SLITRK2: variants seen among roughly 807,000 people sequenced by gnomAD.
The protein encoded by SLITRK2 is SLIT and NTRK-like protein 2.
In SLITRK2, 13 loss-of-function variants were observed where a neutral mutation model predicts 35.4. That is an observed-to-expected ratio of 0.37 (90% CI 0.24 to 0.58). The LOEUF (loss-of-function observed/expected upper bound fraction) is 0.58, where lower values mean the gene tolerates loss of function less well. SLITRK2 is among the 20% of genes least tolerant of loss of function. The probability of loss-of-function intolerance (pLI) is 0.75; values close to 1 mark genes in which losing one functional copy is unlikely to be tolerated. For synonymous variants in SLITRK2, 294 were observed against 264.7 expected (o/e 1.11, Z -1.07); for missense variants, 471 against 634.3 (o/e 0.74, Z 2.76).
chrX:145,823,619 C>T lies in SLITRK2; in HGVS notation c.1194C>T (p.Tyr398=), dbSNP rs2124179741. ...TCTATAAGAATGACCTCTTAGAATA[C>T]AGTTCTTTGGACTTACTGCACTTAG... is the stretch of plus-strand genomic sequence containing the variant. ...QTVYKNDLLE[Y]SSLDLLHLGN... is the part of the protein sequence containing the mutation. The change falls in exon 5 of 5, where the codon TAC becomes TAT. Residue 398 remains tyrosine, a synonymous_variant. Transcript: ENST00000335565. The T allele has an allele frequency of 1.7e-6, 2 of 1,211,625 alleles. No homozygotes were observed. The highest frequency in any genetic ancestry group is 3.0e-5 in the East Asian group (1 of 33,846).
In SLITRK2 at chrX:145,827,993, T is replaced by C; in HGVS notation, c.*3030T>C. The C allele has an allele frequency of 1.7e-6, 2 of 1,180,562 alleles. No homozygotes were observed. Among genetic ancestry groups the C allele is most frequent in the Non-Finnish European group, 2.3e-6 (2 of 881,858 alleles). On this transcript the variant is annotated 3_prime_UTR_variant, in exon 5 of 5. Coordinates refer to ENST00000335565, the MANE Select transcript of SLITRK2 (RefSeq NM_032539.5). The stretch of plus-strand genomic sequence containing the variant: ...CAGGGCCCTGCCAAGAACATATCTG[T>C]ATGTCTGGCCCTACAAATGACAAAT...
rs2124183255 is a variant in SLITRK2, at chrX:145,823,753, T to C, written c.1328T>C (p.Phe443Ser). Residue 443 changes from phenylalanine to serine, a missense_variant, in exon 5 of 5, where the codon TTT (phenylalanine) becomes TCT (serine). Coordinates refer to ENST00000335565, the MANE Select transcript of SLITRK2 (RefSeq NM_032539.5). Reference protein sequence around the residue: ...NYLEVLYPSMFDGLQSLQYLY... With the variant: ...NYLEVLYPSMSDGLQSLQYLY... ...CTTGAAGTGCTGTACCCTTCTATGTTTGATGGACTGCAGAGCTTGCAATAT... is the reference window on the plus strand; with the variant it reads ...CTTGAAGTGCTGTACCCTTCTATGTCTGATGGACTGCAGAGCTTGCAATAT... 8.3e-7 allele frequency: 1 copy of C among 1,211,730 alleles called. No individual in the cohort carries two copies. The highest frequency in any genetic ancestry group is 1.8e-5 in the South Asian group (1 of 56,952).
rs2124196300 is a variant in SLITRK2, at chrX:145,824,237, G to A, written c.1812G>A (p.Val604=). The part of the protein sequence containing the change: ...HNTDTPRSLS[V]SPSSYPELHT... ...CAGACACACCTCGGTCGCTTAGTGT[G>A]TCTCCTAGTTCCTATCCTGAACTAC... The change falls in exon 5 of 5, where the codon GTG becomes GTA. Residue 604 remains valine, a synonymous_variant. Transcript: ENST00000335565. 4.1e-6 allele frequency: 5 copies of A among 1,211,262 alleles called. No individual in the cohort carries two copies. Among genetic ancestry groups the A allele is most frequent in the South Asian group, 1.8e-5 (1 of 56,925 alleles).
rs1556945432 is a variant in SLITRK2 at position 145,825,001 on chromosome X, C to T, written c.*38C>T. ...TACAACCCTAAGGCATCAGAGGATG[C>T]TGCTCCGAACTGTTGGAAACAAGGA... On this transcript the variant is annotated 3_prime_UTR_variant, in exon 5 of 5. Transcript: ENST00000335565. The T allele has an allele frequency of 1.7e-6, 2 of 1,157,521 alleles. No individual in the cohort carries two copies. The highest frequency in any genetic ancestry group is 2.3e-6 in the Non-Finnish European group (2 of 867,442).
chrX:145,823,297 C>T lies in SLITRK2; in HGVS notation c.872C>T (p.Pro291Leu), dbSNP rs2124170528. The change falls in exon 5 of 5, where the codon CCT becomes CTT. Residue 291 changes from proline to leucine, a missense_variant. Around this residue, in one of 7 missense-constraint regions of SLITRK2, gnomAD observed 56 missense variants for 48.7 expected, o/e 1.15. Coordinates refer to ENST00000335565, the MANE Select transcript of SLITRK2 (RefSeq NM_032539.5). ...CAAAGGCTGTCACCTACAATGAATC[C>T]TGCTCTCAACCCAACCAGGGCTCCG... Reference protein sequence around the residue: ...HVQRLSPTMNPALNPTRAPKA... With the variant: ...HVQRLSPTMNLALNPTRAPKA... 1 of 1,211,688 alleles carries T rather than the reference C, an allele frequency of 8.3e-7. No individual in the cohort carries two copies. Among genetic ancestry groups the T allele is most frequent in the Non-Finnish European group, 1.1e-6 (1 of 895,492 alleles).
At position 145,829,553 on chromosome X, in the gene SLITRK2, G is replaced by T. The variant is rs1257042566; in HGVS notation, c.*4590G>T. The T allele has an allele frequency of 1.6e-5, 2 of 123,263 alleles. No homozygotes were observed. Among genetic ancestry groups the T allele is most frequent in the Non-Finnish European group, 3.8e-5 (2 of 53,308 alleles). The allele number at this position is 123,263 out of a possible 1,213,427, so 10.2% of individuals were successfully genotyped here. On this transcript the variant is annotated 3_prime_UTR_variant, in exon 5 of 5. Coordinates refer to ENST00000335565, the MANE Select transcript of SLITRK2 (RefSeq NM_032539.5). The stretch of plus-strand genomic sequence containing the variant: ...CCCATTTCAACAAAATTGAACACAG[G>T]ACTCTTCTGCTCAGCAGCATCTCTT...
Position 145,822,553 on chromosome X carries a change from A to T in SLITRK2, c.128A>T (p.Asn43Ile), listed in dbSNP as rs2124149294. ...TGCGAAGAAAAGGAAAACGTACTGA[A>T]TATCAACTGTGAGAACAAAGGATTT... Reference protein sequence around the residue: ...CLCEEKENVLNINCENKGFTT... With the variant: ...CLCEEKENVLIINCENKGFTT... The change falls in exon 5 of 5, where the codon AAT becomes ATT. Residue 43 changes from asparagine (N) to isoleucine (I), a missense_variant. Transcript: ENST00000335565. 8.3e-7 allele frequency: 1 copy of T among 1,211,757 alleles called. No homozygotes were observed.
intron 1 of SLITRK2, chrX:145,820,003 T>C (rs1198874527): frequency 9.0e-6 from 1 of 111,710 alleles, no homozygotes; most frequent in African/African-American, 3.3e-5. Context: ...GGAGCTTGTA[T>C]AAAGGGAACA....
intron 1 of SLITRK2, chrX:145,818,584 C>G (rs192815691): frequency 8.9e-6 from 1 of 112,745 alleles, no homozygotes. Flanking sequence ...GCAGTGCCCC[C>G]TCTCTGGTTC....
rs2072913268 is a variant in SLITRK2 at position 145,817,951 on chromosome X, G to A, written c.-868G>A. 1 of 109,802 alleles carries A rather than the reference G, an allele frequency of 9.1e-6. No individual in the cohort carries two copies. The highest frequency in any genetic ancestry group is 4.0e-4 in the South Asian group (1 of 2,483). 9.0% of individuals were successfully genotyped at this position (109,802 alleles called of 1,213,427 possible). A position where few individuals can be genotyped will look rare whatever the true frequency, so the allele number is the denominator to read the frequency against. On this transcript the variant is annotated 5_prime_UTR_variant, in exon 1 of 5. Coordinates refer to ENST00000335565, the MANE Select transcript of SLITRK2 (RefSeq NM_032539.5). ...CTGGGCTGCGCCAGTCCGAGGCGGT[G>A]CCGGCTCCTTTGCCTCCCCGAGTCG...
rs952889219 is a variant in SLITRK2, at chrX:145,824,556, T to C, written c.2131T>C (p.Tyr711His). 8.3e-7 allele frequency: 1 copy of C among 1,210,253 alleles called. No homozygotes were observed. The highest frequency in any genetic ancestry group is 2.2e-5 in the Admixed American group (1 of 45,800). Residue 711 changes from tyrosine to histidine, a missense_variant, in exon 5 of 5, where the codon TAT (tyrosine) becomes CAT (histidine). Physicochemically the swap from Tyr to His is moderately conservative, Grantham distance 83. Around this residue, in one of 7 missense-constraint regions of SLITRK2, gnomAD observed 190 missense variants for 199.3 expected, o/e 0.95. Coordinates refer to ENST00000335565, the MANE Select transcript of SLITRK2 (RefSeq NM_032539.5). ...YMQKEGDPVA[Y>H]YRNLQEFSYS... ...GCAGAAGGAAGGAGACCCAGTAGCC[T>C]ATTACCGAAACCTGCAAGAGTTCAG...
rs1156681565 is a variant in SLITRK2, at chrX:145,828,814, A to G, written c.*3851A>G. The G allele has an allele frequency of 8.1e-6, 1 of 123,362 alleles. No homozygotes were observed. The highest frequency in any genetic ancestry group is 1.9e-5 in the Non-Finnish European group (1 of 53,295). 10.2% of individuals were successfully genotyped at this position (123,362 alleles called of 1,213,427 possible). ...AATTACACAGCTAAAAAGGAAAAAAAACACCAAAATAAGATAAAATAAAAC... is the reference window on the plus strand; with the variant it reads ...AATTACACAGCTAAAAAGGAAAAAAGACACCAAAATAAGATAAAATAAAAC... On this transcript the variant is annotated 3_prime_UTR_variant, in exon 5 of 5. Coordinates refer to ENST00000335565, the MANE Select transcript of SLITRK2 (RefSeq NM_032539.5).
chrX:145,827,073 C>A lies in SLITRK2; in HGVS notation c.*2110C>A, dbSNP rs1556946016. ...ATTCTTTGATTAGAGGTGATAATTCCTATTTCGATCCATTAGAAGAAAGTT... is the reference window on the plus strand; with the variant it reads ...ATTCTTTGATTAGAGGTGATAATTCATATTTCGATCCATTAGAAGAAAGTT... On this transcript the variant is annotated 3_prime_UTR_variant, in exon 5 of 5. Transcript: ENST00000335565. The A allele has an allele frequency of 1.8e-5, 2 of 111,574 alleles. No homozygotes were observed. The highest frequency in any genetic ancestry group is 6.5e-5 in the African/African-American group (2 of 30,778). 9.2% of individuals were successfully genotyped at this position (111,574 alleles called of 1,213,427 possible).
In SLITRK2 at chrX:145,824,378, G is replaced by T. The variant is rs189745873; in HGVS notation, c.1953G>T (p.Pro651=). The part of the protein sequence containing the change: ...VFVLKRRKGV[P]SVPRNTNNLD... ...TCTTGAAACGCCGAAAGGGAGTGCC[G>T]AGCGTTCCCAGGAATACCAACAACT... is the stretch of plus-strand genomic sequence containing the variant. Residue 651 remains proline, a synonymous_variant, in exon 5 of 5, where the codon CCG becomes CCT. Transcript: ENST00000335565. The T allele has an allele frequency of 8.3e-7, 1 of 1,210,843 alleles. No homozygotes were observed. The highest frequency in any genetic ancestry group is 1.1e-6 in the Non-Finnish European group (1 of 895,218).
chrX:145,820,112 A>G (rs1472008693), intron 1 of SLITRK2: 1 of 111,947 alleles, frequency 8.9e-6, no homozygotes, highest in Non-Finnish European at 1.9e-5. Context: ...TCTATTCCAC[A>G]TTTGGCCAGG....
chrX:145,821,125 T>TCACACACACACACACACACACA (rs1217882056), intron 2 of SLITRK2: 5 of 77,171 alleles, frequency 6.5e-5, no homozygotes, highest in African/African-American at 2.1e-4. Flanking sequence ...TCTCTCTCAC[T>TCACACACACACACACACACACA]CACACACACA....
chrX:145,827,594 T>C lies in SLITRK2; in HGVS notation c.*2631T>C. 1.1e-6 allele frequency: 1 copy of C among 881,801 alleles called. No homozygotes were observed. The highest frequency in any genetic ancestry group is 3.1e-5 in the South Asian group (1 of 32,760). The allele number at this position is 881,801 out of a possible 1,213,427, so 72.7% of individuals were successfully genotyped here. A position where few individuals can be genotyped will look rare whatever the true frequency, so the allele number is the denominator to read the frequency against. ...ACTCAAATTTATAAACTCTGTTGCCTAATAATTATGGTTTAATTCTATATC... is the reference window on the plus strand; with the variant it reads ...ACTCAAATTTATAAACTCTGTTGCCCAATAATTATGGTTTAATTCTATATC... On this transcript the variant is annotated 3_prime_UTR_variant, in exon 5 of 5. Transcript: ENST00000335565.
Position 145,827,557 on chromosome X carries a change from C to A in SLITRK2, c.*2594C>A. ...ACTTACTTACACGATTTTAAAGACG[C>A]CTACTGAGAGAACTCAAATTTATAA... On this transcript the variant is annotated 3_prime_UTR_variant, in exon 5 of 5. Transcript: ENST00000335565. The A allele has an allele frequency of 1.6e-6, 1 of 626,531 alleles. No individual in the cohort carries two copies. Among genetic ancestry groups the A allele is most frequent in the Non-Finnish European group, 2.3e-6 (1 of 431,808 alleles). The allele number at this position is 626,531 out of a possible 1,213,427, so 51.6% of individuals were successfully genotyped here.
At position 145,826,511 on chromosome X, in the gene SLITRK2, A is replaced by G. The variant is rs1488177119; in HGVS notation, c.*1548A>G. 8.9e-6 allele frequency: 1 copy of G among 112,269 alleles called. No homozygotes were observed. Among genetic ancestry groups the G allele is most frequent in the Non-Finnish European group, 1.9e-5 (1 of 53,237 alleles). The allele number at this position is 112,269 out of a possible 1,213,427, so 9.3% of individuals were successfully genotyped here. A position where few individuals can be genotyped will look rare whatever the true frequency, so the allele number is the denominator to read the frequency against. On this transcript the variant is annotated 3_prime_UTR_variant, in exon 5 of 5. Transcript: ENST00000335565. ...TGATTTTAATTAGCCAAGTCTATAT[A>G]ACATTTATGAAGCCTTATTAGACTG...
Sources: allele counts gnomAD v4.1 joint callset, GRCh38; gene constraint gnomAD v4.1.1; regional missense constraint gnomAD v4.1.1; transcripts MANE v1.5; gene names NCBI Gene and HGNC (gene_info 2026-07-23, HGNC 2026-07-21).